MSRA: variants seen among roughly 807,000 people sequenced by gnomAD.
The protein encoded by MSRA is mitochondrial peptide methionine sulfoxide reductase.
Under a neutral mutation model 31.3 loss-of-function variants are expected in MSRA, and 54 were observed. The observed-to-expected ratio is 1.73, with a 90% CI of 1.39 to 2.17. The LOEUF (loss-of-function observed/expected upper bound fraction) is 2.17, where lower values mean the gene tolerates loss of function less well. MSRA is among the 30% of genes most tolerant of loss of function. The probability of loss-of-function intolerance (pLI) is 0.00; values close to 1 mark genes in which losing one functional copy is unlikely to be tolerated. For missense variants in MSRA, 507 were observed against 300.9 expected, an observed-to-expected ratio of 1.69 and a Z score of -5.07; for synonymous variants, 169 against 116.5, an observed-to-expected ratio of 1.45 and a Z score of -2.90.
intron 4 of MSRA, among the ~76,000 whole-genome samples, chr8:10,310,956 C>G (rs1801401758): frequency 6.6e-6 from 1 of 152,206 alleles, no homozygotes; most frequent in African/African-American, 2.4e-5. Flanking sequence ...CTTTTGAAAA[C>G]TTTTAGCCAG....
chr8:10,128,629 G>A (rs748128978), intron 1 of MSRA, among the ~76,000 whole-genome samples: 1 of 152,160 alleles, frequency 6.6e-6, no homozygotes, highest in Admixed American at 6.5e-5. Context: ...GCTTTGTTGT[G>A]TGTGCACTTC....
intron 3 of MSRA, among the ~76,000 whole-genome samples, chr8:10,255,515 G>A (rs1022173716): frequency 6.6e-6 from 1 of 152,304 alleles, no homozygotes; most frequent in South Asian, 2.1e-4. Context: ...GTAAGGAGCT[G>A]CTGGCGACTG....
At chr8:10,388,565 C>T (rs891775903) in intron 5 of MSRA, among the ~76,000 whole-genome samples, 8 of 152,088 alleles carry the variant, frequency 5.3e-5, no homozygotes, top group African/African-American at 7.2e-5. Flanking sequence ...GGGAGACATC[C>T]GATCTCTCAC....
At chr8:10,380,831 T>C (rs1806023210) in intron 5 of MSRA, among the ~76,000 whole-genome samples, 1 of 147,370 alleles carries the variant, frequency 6.8e-6, no homozygotes, top group Non-Finnish European at 1.5e-5. Context: ...GAGAGATGGA[T>C]GGATGGAATG....
intron 1 of MSRA, among the ~76,000 whole-genome samples, chr8:10,173,549 A>C (rs1222547019): frequency 6.6e-6 from 1 of 152,170 alleles, no homozygotes. Flanking sequence ...ATTGCCCATA[A>C]ATCGAGGCTA....
At chr8:10,267,766 C>T (rs1354108276) in intron 3 of MSRA, among the ~76,000 whole-genome samples, 1 of 152,174 alleles carries the variant, frequency 6.6e-6, no homozygotes, top group Non-Finnish European at 1.5e-5. Flanking sequence ...GGAAGAGTAT[C>T]CTTCTGGTGT....
At chr8:10,229,506 T>C (rs992450038) in intron 2 of MSRA, among the ~76,000 whole-genome samples, 1 of 152,036 alleles carries the variant, frequency 6.6e-6, no homozygotes, top group Non-Finnish European at 1.5e-5. Context: ...GAGATCAGGG[T>C]GACCAGAGGA....
At chr8:10,075,027 T>C (rs1364593363) in intron 1 of MSRA, among the ~76,000 whole-genome samples, 1 of 152,252 alleles carries the variant, frequency 6.6e-6, no homozygotes, top group Non-Finnish European at 1.5e-5. Flanking sequence ...TTGACCCTCC[T>C]TGCTTAGGAA....
At chr8:10,135,526 G>A (rs535701540) in intron 1 of MSRA, among the ~76,000 whole-genome samples, 2 of 152,146 alleles carry the variant, frequency 1.3e-5, no homozygotes, top group African/African-American at 2.4e-5. Flanking sequence ...TAATGTGCCA[G>A]GTATTATATT....
intron 1 of MSRA, among the ~76,000 whole-genome samples, chr8:10,183,013 T>A (rs952769525): frequency 6.6e-6 from 1 of 152,152 alleles, no homozygotes; most frequent in African/African-American, 2.4e-5. Flanking sequence ...AATAGCACAT[T>A]CCATGAGCCA....
intron 5 of MSRA, among the ~76,000 whole-genome samples, chr8:10,390,285 G>A (rs1222099703): frequency 3.3e-5 from 5 of 152,224 alleles, no homozygotes; most frequent in Admixed American, 6.5e-5. Context: ...CCACATGGGC[G>A]TGGCCTTGTG....
At chr8:10,191,755 G>A (rs1213941495) in intron 1 of MSRA, among the ~76,000 whole-genome samples, 1 of 143,368 alleles carries the variant, frequency 7.0e-6, no homozygotes, top group Admixed American at 6.9e-5. Flanking sequence ...TTATAAAGAT[G>A]TTTTTTTTTT....
chr8:10,061,639 G>A (rs1802737419), intron 1 of MSRA, among the ~76,000 whole-genome samples: 1 of 151,976 alleles, frequency 6.6e-6, no homozygotes, highest in African/African-American at 2.4e-5. Context: ...AGTGTTTTAT[G>A]AACGTTGGGA....
chr8:10,197,687 C>T (rs576288834), intron 1 of MSRA, among the ~76,000 whole-genome samples: 6 of 152,264 alleles, frequency 3.9e-5, no homozygotes, highest in South Asian at 4.2e-4. Flanking sequence ...AACGTCCATC[C>T]GCCCTGCCTA....
chr8:10,297,870 G>C (rs1272434790), intron 3 of MSRA, among the ~76,000 whole-genome samples: 1 of 152,168 alleles, frequency 6.6e-6, no homozygotes, highest in Admixed American at 6.5e-5. Context: ...TGAAAGAAGA[G>C]CCTAATCCCA....
intron 3 of MSRA, among the ~76,000 whole-genome samples, chr8:10,273,732 G>GA (rs1799166098): frequency 6.6e-6 from 1 of 152,120 alleles, no homozygotes; most frequent in Admixed American, 6.5e-5. Context: ...TTGTGGCTCT[G>GA]TGAATGTGTT....
At chr8:10,206,951 C>A (rs1392348510) in intron 1 of MSRA, among the ~76,000 whole-genome samples, 2 of 152,230 alleles carry the variant, frequency 1.3e-5, no homozygotes, top group Non-Finnish European at 2.9e-5. Context: ...CTGAACCCAG[C>A]CAATCCAGTG....
chr8:10,376,961 C>G (rs1473555804), intron 5 of MSRA, among the ~76,000 whole-genome samples: 1 of 152,142 alleles, frequency 6.6e-6, no homozygotes, highest in African/African-American at 2.4e-5. Context: ...GGGAAGGGAT[C>G]AAGAGGACTG....
chr8:10,154,461 T>G (rs540350425), intron 1 of MSRA, among the ~76,000 whole-genome samples: 1 of 152,214 alleles, frequency 6.6e-6, no homozygotes, highest in African/African-American at 2.4e-5. Context: ...CACTGCAAGC[T>G]CTGCCTTCCA....
Sources: gnomAD v4.1 joint callset for allele counts (sites outside exome capture counted in the v4.1 genomes callset) on GRCh38, gnomAD v4.1.1 for gene constraint, MANE v1.5 for transcripts, NCBI Gene and HGNC (gene_info 2026-07-23, HGNC 2026-07-21) for gene names.